Variants in LMOD1 observed in about 807,000 individuals in gnomAD.
LMOD1 encodes the protein leiomodin 1.
Under a neutral mutation model 36.5 loss-of-function variants are expected in LMOD1, and 8 were observed. The ratio of observed to expected loss-of-function variants is 0.22; its 90% CI spans 0.13 to 0.40. The LOEUF (loss-of-function observed/expected upper bound fraction) is 0.40, where lower values mean the gene tolerates loss of function less well. LMOD1 is among the 10% of genes least tolerant of loss of function. The pLI is 1.00. For synonymous variants in LMOD1, 284 were observed against 288.7 expected (o/e 0.98, Z 0.17); for missense variants, 630 against 751.1 (o/e 0.84, Z 1.88).
chr1:201,910,360 G>A (rs976314239), intron 1 of LMOD1, among the ~76,000 whole-genome samples: 2 of 150,602 alleles, frequency 1.3e-5, no homozygotes, highest in Admixed American at 1.3e-4. Flanking sequence ...TGCAGCCTCC[G>A]TCTCCCAGGC....
chr1:201,932,778 A>G (rs1218927007), intron 1 of LMOD1, among the ~76,000 whole-genome samples: 1 of 152,204 alleles, frequency 6.6e-6, no homozygotes, highest in Non-Finnish European at 1.5e-5. Flanking sequence ...GTTAATGACT[A>G]TCACTTAACT....
chr1:201,935,403 AAACTT>A (rs55854346), intron 1 of LMOD1, among the ~76,000 whole-genome samples: 76,694 of 150,146 alleles, frequency 0.51, 20,067 homozygotes, highest in Non-Finnish European at 0.58. Context: ...TAAGCACAAC[AAACTT>A]AACTTGTTCA....
At chr1:201,900,854 C>T (rs886450725) in intron 1 of LMOD1, 103 bp from the exon 2 acceptor site, 2 of 986,800 alleles carry the variant, frequency 2.0e-6, no homozygotes, top group Non-Finnish European at 2.9e-6. Context: ...TGCCCTTGAG[C>T]CTCTGAAGGA....
At chr1:201,902,051 C>T (rs1462702783) in intron 1 of LMOD1, among the ~76,000 whole-genome samples, 1 of 151,316 alleles carries the variant, frequency 6.6e-6, no homozygotes. Context: ...CCCACCTCAG[C>T]CTCCCAAAGT....
chr1:201,934,032 C>G (rs1045057452), intron 1 of LMOD1, among the ~76,000 whole-genome samples: 1 of 152,066 alleles, frequency 6.6e-6, no homozygotes, highest in Non-Finnish European at 1.5e-5. Flanking sequence ...CAGTGTGCTC[C>G]CTCCTTCTCC....
chr1:201,942,892 C>A (rs764550136), intron 1 of LMOD1, among the ~76,000 whole-genome samples: 30 of 152,032 alleles, frequency 2.0e-4, no homozygotes, highest in Non-Finnish European at 4.0e-4. Flanking sequence ...GTATTTATGT[C>A]TAAAAGAAAA....
chr1:201,914,577 T>G (rs1314304084), intron 1 of LMOD1, among the ~76,000 whole-genome samples: 1 of 152,092 alleles, frequency 6.6e-6, no homozygotes, highest in African/African-American at 2.4e-5. Context: ...TCCCTTCTCT[T>G]AGTATCTCTC....
chr1:201,932,622 C>T (rs987436579), intron 1 of LMOD1, among the ~76,000 whole-genome samples: 16 of 151,928 alleles, frequency 1.1e-4, no homozygotes, highest in African/African-American at 3.9e-4. Context: ...TATGGTGGTG[C>T]ACACCTGTAG....
At chr1:201,901,850 A>T (rs998193065) in intron 1 of LMOD1, among the ~76,000 whole-genome samples, 1 of 149,058 alleles carries the variant, frequency 6.7e-6, no homozygotes, top group Admixed American at 6.7e-5. Context: ...CAGAAATTTT[A>T]TAAGGCAATA....
At chr1:201,920,047 T>C (rs796203366) in intron 1 of LMOD1, among the ~76,000 whole-genome samples, 232 of 13,402 alleles carry the variant, frequency 0.017, no homozygotes, top group African/African-American at 0.037. Context: ...CTCTCTCTCT[T>C]TTTTTTTTTT....
chr1:201,900,442 TCTC>T lies in LMOD1; in HGVS notation c.568_570del (p.Glu190del), dbSNP rs1323781545. The T allele has an allele frequency of 2.5e-6, 4 of 1,597,542 alleles. No homozygotes were observed. Among genetic ancestry groups the T allele is most frequent in the African/African-American group, 1.3e-5 (1 of 74,252 alleles). Reference sequence around the variant, plus strand: ...CCTGTGTTCCTGTCACTCCCTTTCTTCTCCTCTTCCTTCTTGGTGGCCACTGCC... The same window carrying T: ...CCTGTGTTCCTGTCACTCCCTTTCTTCTCTTCCTTCTTGGTGGCCACTGCC... On this transcript the variant is annotated inframe_deletion, in exon 2 of 3. Coordinates refer to ENST00000367288, the MANE Select transcript of LMOD1 (RefSeq NM_012134.3).
chr1:201,902,584 T>C (rs1262193859), intron 1 of LMOD1, among the ~76,000 whole-genome samples: 3 of 152,086 alleles, frequency 2.0e-5, no homozygotes, highest in African/African-American at 7.2e-5. Context: ...GTAGCTGGGA[T>C]TACAGGTGCA....
intron 1 of LMOD1, among the ~76,000 whole-genome samples, chr1:201,926,967 A>G (rs1681835709): frequency 1.3e-5 from 2 of 152,218 alleles, no homozygotes; most frequent in Non-Finnish European, 2.9e-5. Flanking sequence ...AAAAACAAAC[A>G]AACAAGAAAA....
In LMOD1 at chr1:201,925,574, G is replaced by C. The variant is rs764862368; in HGVS notation, c.261+20506C>G. On this transcript the variant is annotated intron_variant, in intron 1 of 2. Coordinates refer to ENST00000367288, the MANE Select transcript of LMOD1 (RefSeq NM_012134.3). ...TTGGTATTGGTGTGGAATGTTTTTAGGGTAGGGCCCTGTAGAAGCAGGAGG... is the reference window on the plus strand; with the variant it reads ...TTGGTATTGGTGTGGAATGTTTTTACGGTAGGGCCCTGTAGAAGCAGGAGG... Among the ~76,000 whole-genome samples the C allele has an allele frequency of 6.6e-4, 100 of 151,982 alleles. No individual in the cohort carries two copies. In the Middle Eastern group the frequency reaches 0.014, roughly 21 times the overall value.
In LMOD1 at chr1:201,896,869, G is replaced by T. The variant is rs185891740; in HGVS notation, c.*1503C>A. The T allele has an allele frequency of 3.0e-5, 11 of 363,440 alleles. No individual in the cohort carries two copies. The highest frequency in any genetic ancestry group is 2.3e-4 in the African/African-American group (11 of 47,206). The allele number at this position is 363,440 out of a possible 1,614,324, so 22.5% of individuals were successfully genotyped here. ...TGGTTTTGGTCAGACCTAGCACAGC[G>T]ATCTTGCTTCCTAGCTGGGGCACCC... On this transcript the variant is annotated 3_prime_UTR_variant, in exon 3 of 3. Transcript: ENST00000367288.
Position 201,946,432 on chromosome 1 carries a change from G to T in LMOD1, c.-92C>A. ...TGAGCTGATCTGGATGCAGCGAGTG[G>T]GCTGAGGAGCAAACCTCCTGCTGGT... On this transcript the variant is annotated 5_prime_UTR_variant, in exon 1 of 3. Transcript: ENST00000367288. 1 of 1,372,070 alleles carries T rather than the reference G, an allele frequency of 7.3e-7. No homozygotes were observed. The highest frequency in any genetic ancestry group is 1.0e-6 in the Non-Finnish European group (1 of 997,532). The allele number at this position is 1,372,070 out of a possible 1,614,324, so 85.0% of individuals were successfully genotyped here.
intron 1 of LMOD1, among the ~76,000 whole-genome samples, chr1:201,927,243 A>T (rs1319188892): frequency 6.6e-6 from 1 of 152,210 alleles, no homozygotes; most frequent in Non-Finnish European, 1.5e-5. Context: ...TTGAGTCTTT[A>T]GTACTCTGGG....
chr1:201,898,333 C>A lies in LMOD1; in HGVS notation c.*39G>T, dbSNP rs924305082. The A allele has an allele frequency of 6.2e-7, 1 of 1,607,004 alleles. No individual in the cohort carries two copies. Among genetic ancestry groups the A allele is most frequent in the South Asian group, 1.1e-5 (1 of 89,302 alleles). On this transcript the variant is annotated 3_prime_UTR_variant, in exon 3 of 3. Transcript: ENST00000367288. ...GTAGCCCTGGGAGGTGAGGCCTGAG[C>A]AGTCATGGCATTGGCAGATGGTGCC...
chr1:201,901,564 GTA>G (rs1275880446), intron 1 of LMOD1, among the ~76,000 whole-genome samples: 713 of 39,026 alleles, frequency 0.018, 70 homozygotes, highest in South Asian at 0.05. Flanking sequence ...ATATATATAT[GTA>G]TATATATATA....
Sources: allele counts gnomAD v4.1 joint callset (sites outside exome capture counted in the v4.1 genomes callset), GRCh38; gene constraint gnomAD v4.1.1; transcripts MANE v1.5; gene names NCBI Gene and HGNC (gene_info 2026-07-23, HGNC 2026-07-21).